The following DDIAS variants were observed in gnomAD, a reference collection of about 807,000 sequenced individuals.
DDIAS encodes the protein DNA damage-induced apoptosis suppressor protein.
DDIAS carries 14 observed loss-of-function variants against 15.7 expected under a neutral mutation model. That is an observed-to-expected ratio of 0.89 (90% CI 0.59 to 1.39). The LOEUF (loss-of-function observed/expected upper bound fraction) is 1.39, where lower values mean the gene tolerates loss of function less well. Ranked by LOEUF, DDIAS falls within the 40% of genes most tolerant of loss-of-function variation. The pLI, the probability that DDIAS is intolerant of heterozygous loss-of-function variation, is 0.00. For synonymous variants in DDIAS, 355 were observed against 395.9 expected, an observed-to-expected ratio of 0.90 and a Z score of 1.23; for missense variants, 1,035 against 1,130.9, an observed-to-expected ratio of 0.92 and a Z score of 1.22.
chr11:82,933,933 C>A lies in DDIAS; in HGVS notation c.2595C>A (p.Val865=). The change falls in exon 6 of 6, where the codon GTC becomes GTA. Residue 865 remains valine, a synonymous_variant. Coordinates refer to ENST00000533655, the MANE Select transcript of DDIAS (RefSeq NM_145018.4). ...ECHETDSDEW[V]PPTTQKIFPS... is the part of the protein sequence containing the mutation. ...ATGAAACTGATAGTGATGAATGGGT[C>A]CCTCCTACCACACAAAAAATATTTC... 6.2e-7 allele frequency: 1 copy of A among 1,613,132 alleles called. No individual in the cohort carries two copies. The highest frequency in any genetic ancestry group is 8.5e-7 in the Non-Finnish European group (1 of 1,179,774).
At chr11:82,921,052 G>C (rs1391003759) in intron 3 of DDIAS, among the ~76,000 whole-genome samples, 1 of 151,862 alleles carries the variant, frequency 6.6e-6, no homozygotes, top group Non-Finnish European at 1.5e-5. Flanking sequence ...ATAAATTTGG[G>C]AGCTCCAGTG....
intron 3 of DDIAS, among the ~76,000 whole-genome samples, chr11:82,920,725 ATG>A (rs1207168735): frequency 3.9e-5 from 6 of 152,152 alleles, no homozygotes; most frequent in Non-Finnish European, 7.4e-5. Context: ...TTATTCCACT[ATG>A]GCCTGAGAGA....
rs755327766 is a variant in DDIAS at position 82,931,715 on chromosome 11, C to A, written c.394-17C>A. 7.1e-6 allele frequency: 11 copies of A among 1,557,330 alleles called. No individual in the cohort carries two copies. In the African/African-American group the frequency reaches 9.7e-5, roughly 14 times the overall value. ...GACAATTTTATTCTTACTTAAATTT[C>A]TTTGCTTCTTTCACAGAATTTTGAA... On this transcript the variant is annotated splice_polypyrimidine_tract_variant and intron_variant, in intron 5 of 5. Transcript: ENST00000533655.
chr11:82,919,709 G>A (rs1458515032), intron 3 of DDIAS, among the ~76,000 whole-genome samples: 6 of 152,174 alleles, frequency 3.9e-5, no homozygotes, highest in Non-Finnish European at 8.8e-5. Context: ...ATTCTGCTGT[G>A]AATCCATCTG....
At chr11:82,927,055 G>A (rs1860878181) in intron 3 of DDIAS, among the ~76,000 whole-genome samples, 1 of 152,034 alleles carries the variant, frequency 6.6e-6, no homozygotes, top group Non-Finnish European at 1.5e-5. Flanking sequence ...TACCAACTTT[G>A]TCATCTCAGA....
At position 82,933,482 on chromosome 11, in the gene DDIAS, A is replaced by G. The variant is rs139126182; in HGVS notation, c.2144A>G (p.Glu715Gly). The G allele has an allele frequency of 6.2e-7, 1 of 1,613,930 alleles. No individual in the cohort carries two copies. The highest frequency in any genetic ancestry group is 8.5e-7 in the Non-Finnish European group (1 of 1,179,988). Residue 715 changes from glutamate (E) to glycine (G), a missense_variant, in exon 6 of 6, where the codon GAG becomes GGG. By Grantham distance (98) the Glu-to-Gly change is moderately conservative. Coordinates refer to ENST00000533655, the MANE Select transcript of DDIAS (RefSeq NM_145018.4). ...TCTTTGGCAGAAAGTCACCCTTCAG[A>G]GTCTGATTTTTCACTGAGATCACTT... ...GTSLAESHPS[E>G]SDFSLRSLSE...
chr11:82,932,928 A>C lies in DDIAS; in HGVS notation c.1590A>C (p.Ser530=). The change falls in exon 6 of 6, where the codon TCA becomes TCC. Residue 530 remains serine (S), a synonymous_variant. Transcript: ENST00000533655. ...TAAATCATAATGGAAGAGATATGTC[A>C]GAATATTTTTTACCGAATCCTTACC... ...VSVNHNGRDM[S]EYFLPNPYLS... is the part of the protein sequence containing the mutation. 1.2e-6 allele frequency: 2 copies of C among 1,611,848 alleles called. No homozygotes were observed. Among genetic ancestry groups the C allele is most frequent in the East Asian group, 2.2e-5 (1 of 44,810 alleles).
intron 2 of DDIAS, chr11:82,913,746 T>C (rs1389253320): frequency 4.6e-6 from 2 of 438,200 alleles, no homozygotes; most frequent in South Asian, 1.7e-5. Flanking sequence ...AAAAGATTCA[T>C]GTAAGTTCAT....
intron 1 of DDIAS, among the ~76,000 whole-genome samples, chr11:82,910,613 T>C (rs1398278103): frequency 0.013 from 517 of 39,224 alleles, 2 homozygotes; most frequent in African/African-American, 0.06. Context: ...TCTCTTTTTT[T>C]TTTTTTTTTT....
In DDIAS at chr11:82,933,278, A is replaced by G; in HGVS notation, c.1940A>G (p.Asn647Ser). 1 of 1,613,576 alleles carries G rather than the reference A, an allele frequency of 6.2e-7. No homozygotes were observed. Among genetic ancestry groups the G allele is most frequent in the East Asian group, 2.2e-5 (1 of 44,868 alleles). ...TLCNSPNRST[N>S]TLKEMPWGHI... Reference sequence around the variant, plus strand: ...TGCAATAGTCCAAATAGAAGTACAAATACATTGAAAGAAATGCCTTGGGGA... The same window carrying G: ...TGCAATAGTCCAAATAGAAGTACAAGTACATTGAAAGAAATGCCTTGGGGA... The change falls in exon 6 of 6, where the codon AAT (asparagine) becomes AGT (serine). Residue 647 changes from asparagine (N) to serine (S), a missense_variant. Transcript: ENST00000533655.
intron 5 of DDIAS, among the ~76,000 whole-genome samples, chr11:82,931,166 T>C (rs1860976970): frequency 6.6e-6 from 1 of 152,158 alleles, no homozygotes; most frequent in African/African-American, 2.4e-5. Context: ...AAATAAATTG[T>C]CCAAAGTCTC....
chr11:82,921,664 GC>G (rs1372622296), intron 3 of DDIAS, among the ~76,000 whole-genome samples: 8 of 130,014 alleles, frequency 6.2e-5, no homozygotes, highest in Admixed American at 4.5e-4. Flanking sequence ...TGCACCCTCC[GC>G]CCCCCCAGGT....
intron 1 of DDIAS, among the ~76,000 whole-genome samples, chr11:82,908,830 G>A (rs145237081): frequency 6.6e-6 from 1 of 152,164 alleles, no homozygotes; most frequent in African/African-American, 2.4e-5. Context: ...CTGTTCCTCT[G>A]TTCCCACTTT....
At chr11:82,927,706 G>A (rs1033997195) in intron 3 of DDIAS, among the ~76,000 whole-genome samples, 8 of 152,194 alleles carry the variant, frequency 5.3e-5, no homozygotes, top group African/African-American at 1.9e-4. Flanking sequence ...GAACCTGAAA[G>A]ATAGAAATCA....
chr11:82,905,222 G>A (rs1230420265), intron 1 of DDIAS, among the ~76,000 whole-genome samples: 1 of 152,118 alleles, frequency 6.6e-6, no homozygotes, highest in Non-Finnish European at 1.5e-5. Context: ...AAGGCCAACT[G>A]AGGCCTTAAT....
At chr11:82,922,608 CT>C (rs1287998329) in intron 3 of DDIAS, 7 of 152,152 alleles carry the variant, frequency 4.6e-5, no homozygotes, top group Non-Finnish European at 8.8e-5. Flanking sequence ...TCTCCCTTCA[CT>C]TCTCGTATTG....
At chr11:82,918,073 A>T (rs1860666987) in intron 3 of DDIAS, among the ~76,000 whole-genome samples, 1 of 151,754 alleles carries the variant, frequency 6.6e-6, no homozygotes, top group African/African-American at 2.4e-5. Context: ...ATTTTCTTCC[A>T]CTCTGTGGGT....
chr11:82,905,015 G>T (rs879300617), intron 1 of DDIAS, among the ~76,000 whole-genome samples: 1 of 152,132 alleles, frequency 6.6e-6, no homozygotes, highest in Non-Finnish European at 1.5e-5. Context: ...AACATCTTTG[G>T]ATTACAGTTC....
intron 1 of DDIAS, among the ~76,000 whole-genome samples, chr11:82,911,153 T>C (rs1452766514): frequency 6.6e-6 from 1 of 152,210 alleles, no homozygotes; most frequent in East Asian, 1.9e-4. Flanking sequence ...GGTTGCTGAC[T>C]GCTTGGGGTG....
Sources: allele counts gnomAD v4.1 joint callset (sites outside exome capture counted in the v4.1 genomes callset), GRCh38; gene constraint gnomAD v4.1.1; transcripts MANE v1.5; gene names NCBI Gene and HGNC (gene_info 2026-07-23, HGNC 2026-07-21).